The following NRDC variants were observed in gnomAD, a reference collection of about 807,000 sequenced individuals.
NRDC encodes the protein nardilysin.
Under a neutral mutation model 147.1 loss-of-function variants are expected in NRDC, and 54 were observed. The ratio of observed to expected loss-of-function variants is 0.37; its 90% CI spans 0.29 to 0.46. NRDC has a LOEUF of 0.46. Among genes scored for constraint, NRDC ranks in the 20% least tolerant of loss-of-function variants. The pLI, the probability that NRDC is intolerant of heterozygous loss-of-function variation, is 1.00. For synonymous variants in NRDC, 440 were observed against 482.1 expected (o/e 0.91, Z 1.14); for missense variants, 1,082 against 1,370.6 (o/e 0.79, Z 3.33).
intron 1 of NRDC, among the ~76,000 whole-genome samples, chr1:51,870,870 TCTA>T (rs766455606): frequency 9.9e-5 from 15 of 152,060 alleles, no homozygotes; most frequent in African/African-American, 3.1e-4. Context: ...CTTCAACTTC[TCTA>T]CTGATTCTTT....
intron 2 of NRDC, among the ~76,000 whole-genome samples, chr1:51,838,068 G>A (rs959585855): frequency 4.6e-5 from 7 of 152,062 alleles, no homozygotes; most frequent in Admixed American, 1.3e-4. Flanking sequence ...ACTTACGATC[G>A]TGGGATCTTT....
chr1:51,796,729 A>G (rs1678935859), intron 22 of NRDC, among the ~76,000 whole-genome samples: 1 of 151,462 alleles, frequency 6.6e-6, no homozygotes, highest in African/African-American at 2.4e-5. Context: ...CTGGAACTAC[A>G]GGCATGTGCC....
chr1:51,818,936 CA>C (rs1447052275), intron 9 of NRDC, among the ~76,000 whole-genome samples: 2 of 152,160 alleles, frequency 1.3e-5, no homozygotes, highest in Non-Finnish European at 2.9e-5. Flanking sequence ...TGAAACAAAG[CA>C]GGAGACAGAA....
At chr1:51,865,467 G>C (rs1174257096) in intron 1 of NRDC, among the ~76,000 whole-genome samples, 1 of 151,948 alleles carries the variant, frequency 6.6e-6, no homozygotes, top group Non-Finnish European at 1.5e-5. Flanking sequence ...ATCATGCCTG[G>C]CTAATTTACT....
intron 2 of NRDC, among the ~76,000 whole-genome samples, chr1:51,838,199 A>C (rs1039180117): frequency 4.3e-4 from 66 of 152,332 alleles, no homozygotes; most frequent in African/African-American, 1.5e-3. Context: ...TATAAGGATT[A>C]TATCACACTG....
chr1:51,798,162 T>C, intron 22 of NRDC, 87 bp downstream of exon 22: 1 of 1,385,452 alleles, frequency 7.2e-7, no homozygotes, highest in Non-Finnish European at 1.0e-6. Flanking sequence ...CTGCCAAAAC[T>C]ACAGCTTCCC....
intron 14 of NRDC, 50 bp downstream of exon 14, chr1:51,813,985 G>T: frequency 1.7e-6 from 2 of 1,186,416 alleles, no homozygotes; most frequent in East Asian, 2.4e-5. Flanking sequence ...GTCTACACCA[G>T]CTTCAACTCA....
intron 20 of NRDC, among the ~76,000 whole-genome samples, chr1:51,802,487 C>T (rs1679258097): frequency 6.6e-6 from 1 of 152,184 alleles, no homozygotes; most frequent in Admixed American, 6.5e-5. Flanking sequence ...AATTCTAAAA[C>T]ATATTTTCCA....
chr1:51,798,050 G>C, intron 22 of NRDC, 199 bp downstream of exon 22: 1 of 523,148 alleles, frequency 1.9e-6, no homozygotes, highest in East Asian at 3.0e-5. Context: ...AATTACAGGC[G>C]TGAGCCATCA....
At chr1:51,812,158 CA>C in intron 14 of NRDC, 60 bp from the exon 15 acceptor site, 1 of 1,163,234 alleles carries the variant, frequency 8.6e-7, no homozygotes, top group Non-Finnish European at 1.3e-6. Flanking sequence ...TGATTTACCA[CA>C]ACATACAAAT....
intron 22 of NRDC, among the ~76,000 whole-genome samples, chr1:51,796,056 A>AT (rs1678888406): frequency 6.6e-6 from 1 of 151,724 alleles, no homozygotes; most frequent in Non-Finnish European, 1.5e-5. Context: ...ATTTTTTTTA[A>AT]TTTTTTTGGA....
At chr1:51,867,066 C>T (rs1224203104) in intron 1 of NRDC, among the ~76,000 whole-genome samples, 1 of 152,104 alleles carries the variant, frequency 6.6e-6, no homozygotes, top group Non-Finnish European at 1.5e-5. Flanking sequence ...CCTCAAACTC[C>T]TGGGCTCCTG....
chr1:51,859,999 T>C, intron 1 of NRDC: 1 of 205,332 alleles, frequency 4.9e-6, no homozygotes, highest in Non-Finnish European at 1.1e-5. Flanking sequence ...AGGGGGATCT[T>C]GAAAGCATCT....
intron 1 of NRDC, 129 bp from the exon 2 acceptor site, chr1:51,840,643 T>C (rs1681224623): frequency 4.6e-6 from 3 of 646,940 alleles, no homozygotes; most frequent in East Asian, 2.8e-5. Flanking sequence ...ACACAACTAT[T>C]TGTAAACTAA....
Position 51,791,560 on chromosome 1 carries a change from A to G in NRDC, c.2960+18T>C. The stretch of plus-strand genomic sequence containing the variant: ...TGTCCATAATAGGTTACACTCATCT[A>G]TTCACTCACTCACTCACTTGTATTT... On this transcript the variant is annotated intron_variant, in intron 27 of 30. Coordinates refer to ENST00000352171, the MANE Select transcript of NRDC (RefSeq NM_001101662.2). The G allele has an allele frequency of 6.3e-7, 1 of 1,587,770 alleles. No homozygotes were observed. Among genetic ancestry groups the G allele is most frequent in the Non-Finnish European group, 8.6e-7 (1 of 1,156,154 alleles).
chr1:51,839,275 C>T (rs781545361), intron 2 of NRDC, among the ~76,000 whole-genome samples: 15 of 150,658 alleles, frequency 1.0e-4, no homozygotes, highest in Admixed American at 6.0e-4. Context: ...ATCCTCCCAT[C>T]TTCAGCCTGT....
intron 1 of NRDC, among the ~76,000 whole-genome samples, chr1:51,850,917 A>T (rs1681915544): frequency 6.6e-6 from 1 of 152,120 alleles, no homozygotes; most frequent in Non-Finnish European, 1.5e-5. Context: ...CTTGGTGTGG[A>T]TATCTGGCCT....
Position 51,809,303 on chromosome 1 carries a change from T to C in NRDC, c.1990+12A>G. 1.9e-6 allele frequency: 3 copies of C among 1,588,916 alleles called. No individual in the cohort carries two copies. Among genetic ancestry groups the C allele is most frequent in the South Asian group, 2.2e-5 (2 of 90,526 alleles). ...TGGATGGATTATGTATAAAAATTGC[T>C]ATTTTACTGACCTATGTACTTGTTT... On this transcript the variant is annotated intron_variant, in intron 17 of 30. Coordinates refer to ENST00000352171, the MANE Select transcript of NRDC (RefSeq NM_001101662.2).
At chr1:51,848,667 C>A (rs1301230114) in intron 1 of NRDC, among the ~76,000 whole-genome samples, 2 of 152,252 alleles carry the variant, frequency 1.3e-5, no homozygotes, top group Non-Finnish European at 2.9e-5. Flanking sequence ...CTTTCCTATA[C>A]ATCAAAGTAA....
Sources: allele counts gnomAD v4.1 joint callset (sites outside exome capture counted in the v4.1 genomes callset), GRCh38; gene constraint gnomAD v4.1.1; transcripts MANE v1.5; gene names NCBI Gene and HGNC (gene_info 2026-07-23, HGNC 2026-07-21).